Variants in DGKB observed in about 807,000 individuals in gnomAD.
DGKB encodes the protein 90 kDa diacylglycerol kinase.
In DGKB, 67 loss-of-function variants were observed where a neutral mutation model predicts 114.3. That is an observed-to-expected ratio of 0.59 (90% CI 0.48 to 0.72). The LOEUF (loss-of-function observed/expected upper bound fraction) is 0.72. DGKB is among the 30% of genes least tolerant of loss of function. The pLI, the probability that DGKB is intolerant of heterozygous loss-of-function variation, is 0.00. For synonymous variants in DGKB, 398 were observed against 323.1 expected, an observed-to-expected ratio of 1.23 and a Z score of -2.49; for missense variants, 907 against 975.2, an observed-to-expected ratio of 0.93 and a Z score of 0.93.
intron 21 of DGKB, among the ~76,000 whole-genome samples, chr7:14,398,727 G>T (rs148284425): frequency 6.6e-6 from 1 of 151,736 alleles, no homozygotes; most frequent in Non-Finnish European, 1.5e-5. Context: ...ACAGTTGTTG[G>T]CATTTGTTAT....
chr7:14,944,479 T>C (rs920045235), intron 1 of DGKB, among the ~76,000 whole-genome samples: 1 of 151,964 alleles, frequency 6.6e-6, no homozygotes, highest in African/African-American at 2.4e-5. Context: ...CATTTGCCTT[T>C]ACAATAAAAA....
At chr7:14,197,203 T>C (rs974663317) in intron 23 of DGKB, among the ~76,000 whole-genome samples, 2 of 152,126 alleles carry the variant, frequency 1.3e-5, no homozygotes, top group African/African-American at 4.8e-5. Context: ...TTAGAAGAGA[T>C]ATACCCCCTT....
At chr7:14,755,585 G>A (rs1174234101) in intron 3 of DGKB, among the ~76,000 whole-genome samples, 1 of 152,084 alleles carries the variant, frequency 6.6e-6, no homozygotes, top group Non-Finnish European at 1.5e-5. Flanking sequence ...CCAATGCAGA[G>A]TGATAACTTC....
At chr7:14,915,406 A>T (rs1046785166) in intron 1 of DGKB, among the ~76,000 whole-genome samples, 1 of 152,158 alleles carries the variant, frequency 6.6e-6, no homozygotes, top group Non-Finnish European at 1.5e-5. Context: ...AGAAAGAACA[A>T]GAAAAATTTG....
rs1781759395 is a variant in DGKB, at chr7:14,148,798, T to C, written c.*333A>G. ...TCACGTTTCCCATGGTATTTCCTTT[T>C]TCATGTTTCACGGGTTTTTCTCACA... On this transcript the variant is annotated 3_prime_UTR_variant, in exon 26 of 26. Coordinates refer to ENST00000402815, the MANE Select transcript of DGKB (RefSeq NM_001350709.2). 5.9e-6 allele frequency: 2 copies of C among 340,022 alleles called. No individual in the cohort carries two copies. Among genetic ancestry groups the C allele is most frequent in the South Asian group, 6.0e-5 (2 of 33,160 alleles). 21.1% of individuals were successfully genotyped at this position (340,022 alleles called of 1,614,324 possible). A position where few individuals can be genotyped will look rare whatever the true frequency, so the allele number is the denominator to read the frequency against.
intron 1 of DGKB, among the ~76,000 whole-genome samples, chr7:14,950,335 C>T (rs36889): frequency 0.094 from 14,201 of 151,724 alleles, 953 homozygotes; most frequent in Middle Eastern, 0.15. Context: ...CCTAAATTTT[C>T]GGCTTAGTCT....
intron 21 of DGKB, among the ~76,000 whole-genome samples, chr7:14,375,774 C>G (rs1818383866): frequency 1.3e-5 from 2 of 152,198 alleles, no homozygotes; most frequent in South Asian, 4.1e-4. Flanking sequence ...TGCCTCTCTC[C>G]TCTGAAAGAC....
At chr7:14,857,945 G>T (rs1031482715) in intron 1 of DGKB, among the ~76,000 whole-genome samples, 4 of 152,102 alleles carry the variant, frequency 2.6e-5, no homozygotes, top group African/African-American at 9.7e-5. Context: ...CAATGTGAAT[G>T]TATCTTTGGC....
intron 1 of DGKB, among the ~76,000 whole-genome samples, chr7:14,946,018 C>G (rs1452744388): frequency 6.6e-6 from 1 of 151,388 alleles, no homozygotes; most frequent in Non-Finnish European, 1.5e-5. Context: ...TTTCAGATGT[C>G]TCAAAATGAA....
In DGKB at chr7:14,148,366, T is replaced by C. The variant is rs1781708290; in HGVS notation, c.*765A>G. On this transcript the variant is annotated 3_prime_UTR_variant, in exon 26 of 26. Coordinates refer to ENST00000402815, the MANE Select transcript of DGKB (RefSeq NM_001350709.2). The stretch of plus-strand genomic sequence containing the variant: ...AGGCACATAGTTTAAAACTTCTATT[T>C]CGTTATTGGTGTGGTTATGAATTCT... 6.6e-6 allele frequency: 1 copy of C among 152,592 alleles called. No individual in the cohort carries two copies. The highest frequency in any genetic ancestry group is 1.5e-5 in the Non-Finnish European group (1 of 68,022). 9.5% of individuals were successfully genotyped at this position (152,592 alleles called of 1,614,324 possible). A position where few individuals can be genotyped will look rare whatever the true frequency, so the allele number is the denominator to read the frequency against.
chr7:14,379,570 TG>T (rs754319327), intron 21 of DGKB, among the ~76,000 whole-genome samples: 19 of 151,706 alleles, frequency 1.3e-4, no homozygotes, highest in African/African-American at 3.4e-4. Flanking sequence ...TATTTTTTAT[TG>T]TTTTTTGAGA....
chr7:14,388,539 A>G (rs1237283313), intron 21 of DGKB, among the ~76,000 whole-genome samples: 1 of 151,356 alleles, frequency 6.6e-6, no homozygotes, highest in East Asian at 1.9e-4. Flanking sequence ...TCATCATTTC[A>G]ACACTTAAAA....
intron 23 of DGKB, among the ~76,000 whole-genome samples, chr7:14,231,700 A>G (rs890367566): frequency 1.3e-5 from 2 of 151,922 alleles, no homozygotes; most frequent in Non-Finnish European, 2.9e-5. Context: ...TCTGCTATAC[A>G]GAAAAAAAAA....
chr7:14,170,016 C>G (rs1029493955), intron 25 of DGKB, among the ~76,000 whole-genome samples: 1 of 151,496 alleles, frequency 6.6e-6, no homozygotes, highest in African/African-American at 2.4e-5. Context: ...TGCCTGTAAT[C>G]CCAGCTACTT....
intron 2 of DGKB, among the ~76,000 whole-genome samples, chr7:14,758,160 C>T (rs531398086): frequency 2.0e-5 from 3 of 151,944 alleles, no homozygotes; most frequent in Admixed American, 6.6e-5. Flanking sequence ...ATATGCATTA[C>T]GAATAACATT....
At chr7:14,801,241 C>T (rs113432269) in intron 2 of DGKB, among the ~76,000 whole-genome samples, 3 of 152,232 alleles carry the variant, frequency 2.0e-5, no homozygotes, top group East Asian at 1.9e-4. Flanking sequence ...AAAAGACCAG[C>T]GCATTTTCAG....
chr7:14,928,072 T>A (rs904325434), intron 1 of DGKB, among the ~76,000 whole-genome samples: 1 of 151,970 alleles, frequency 6.6e-6, no homozygotes, highest in African/African-American at 2.4e-5. Context: ...AAAAATCTAA[T>A]TAAATATAAG....
intron 23 of DGKB, among the ~76,000 whole-genome samples, chr7:14,324,285 A>G (rs1286961541): frequency 6.6e-6 from 1 of 151,968 alleles, no homozygotes; most frequent in African/African-American, 2.4e-5. Flanking sequence ...TGTCTCTACT[A>G]AAAATACAAA....
chr7:14,424,417 T>C (rs1414315459), intron 21 of DGKB, among the ~76,000 whole-genome samples: 2 of 151,828 alleles, frequency 1.3e-5, no homozygotes, highest in African/African-American at 4.8e-5. Context: ...TTTTTTTAAG[T>C]CTGTGCTCAA....
Sources: allele counts gnomAD v4.1 joint callset (sites outside exome capture counted in the v4.1 genomes callset), GRCh38; gene constraint gnomAD v4.1.1; transcripts MANE v1.5; gene names NCBI Gene and HGNC (gene_info 2026-07-23, HGNC 2026-07-21).